Variants in PTCH1 observed in about 807,000 individuals in gnomAD.
PTCH1 encodes the protein patched 1, also known as protein patched homolog 1.
PTCH1 carries 14 observed loss-of-function variants against 144.6 expected under a neutral mutation model. The observed-to-expected ratio is 0.10, with a 90% CI of 0.06 to 0.15. The LOEUF is 0.15. Ranked by LOEUF, PTCH1 falls within the 10% of genes least tolerant of loss-of-function variation. PTCH1 has a pLI of 1.00. For missense variants in PTCH1, 1,623 were observed against 1,948.3 expected (o/e 0.83, Z 3.14); for synonymous variants, 833 against 793.6 (o/e 1.05, Z -0.83).
Position 95,476,080 on chromosome 9 carries a change from A to G in PTCH1, c.1682T>C (p.Met561Thr). ...TSISNVTAFF[M>T]AALIPIPALR... ...AGCGGGAATTGGGATTAACGCGGCC[A>G]TGAAGAAGGCTGTGACATTGCTGAT... The change falls in exon 12 of 24, where the codon ATG becomes ACG. Residue 561 changes from methionine to threonine, a missense_variant. This residue lies in a region of PTCH1 where 135 missense variants were observed against 228.7 expected (regional missense o/e 0.59). Coordinates refer to ENST00000331920, the MANE Select transcript of PTCH1 (RefSeq NM_000264.5). The surrounding 1 kb of genome is among the most constrained non-coding windows in gnomAD (Gnocchi z 4.6). 1 of 1,614,074 alleles carries G rather than the reference A, an allele frequency of 6.2e-7. No homozygotes were observed. Among genetic ancestry groups the G allele is most frequent in the Non-Finnish European group, 8.5e-7 (1 of 1,179,980 alleles).
chr9:95,510,295 T>C (rs2118927978), upstream of PTCH1, among the ~76,000 whole-genome samples: 1 of 152,344 alleles, frequency 6.6e-6, no homozygotes, highest in East Asian at 1.9e-4. Flanking sequence ...GCATGTTATA[T>C]TTAATAATAG....
chr9:95,500,908 A>G (rs961880605), intron 2 of PTCH1, among the ~76,000 whole-genome samples: 2 of 152,226 alleles, frequency 1.3e-5, no homozygotes, highest in Non-Finnish European at 2.9e-5. Context: ...AAAGGTACCC[A>G]AATATAAATT....
intron 2 of PTCH1, among the ~76,000 whole-genome samples, chr9:95,490,863 A>G (rs1842348860): frequency 6.6e-6 from 1 of 152,336 alleles, no homozygotes; most frequent in Non-Finnish European, 1.5e-5. Context: ...GCTAGAAGAG[A>G]AGATTTAGAA....
At position 95,447,131 on chromosome 9, in the gene PTCH1, G is replaced by A. The variant is rs775974258; in HGVS notation, c.4125C>T (p.Ala1375=). Residue 1375 remains alanine (A), a synonymous_variant, in exon 23 of 24, where the codon GCC becomes GCT. Coordinates refer to ENST00000331920, the MANE Select transcript of PTCH1 (RefSeq NM_000264.5). ...GCGGGTGCACGGCGACAGTCACGGA[G>A]GCAGAAGCCGTCACAGTGGTGATGG... ...CQPITTVTAS[A]SVTVAVHPPP... is the part of the protein sequence containing the mutation. 8.1e-6 allele frequency: 13 copies of A among 1,613,114 alleles called. No individual in the cohort carries two copies. The highest frequency in any genetic ancestry group is 3.3e-5 in the Admixed American group (2 of 59,998).
chr9:95,445,246 A>C lies in PTCH1; in HGVS notation c.*1147T>G, dbSNP rs774086679. ...GAGACTGTGGGCCAAGAAAGAATTA[A>C]CTAAATAGGTTTTTCTACCTGTGAC... On this transcript the variant is annotated 3_prime_UTR_variant, in exon 24 of 24. Coordinates refer to ENST00000331920, the MANE Select transcript of PTCH1 (RefSeq NM_000264.5). The C allele has an allele frequency of 6.6e-6, 1 of 152,096 alleles. No individual in the cohort carries two copies. The highest frequency in any genetic ancestry group is 1.5e-5 in the Non-Finnish European group (1 of 68,038). The allele number at this position is 152,096 out of a possible 1,614,324, so 9.4% of individuals were successfully genotyped here. A position where few individuals can be genotyped will look rare whatever the true frequency, so the allele number is the denominator to read the frequency against.
In PTCH1 at chr9:95,472,474, G is replaced by A. The variant is rs374698239; in HGVS notation, c.1729-2543C>T. ...CAGGAAGAACAGGTAGGATTCTAAC[G>A]GAGATTTTCCAGATGTCATCCTGGG... is the stretch of plus-strand genomic sequence containing the variant. On this transcript the variant is annotated intron_variant, in intron 12 of 23. Coordinates refer to ENST00000331920, the MANE Select transcript of PTCH1 (RefSeq NM_000264.5). 3.3e-5 allele frequency among the ~76,000 whole-genome samples: 5 copies of A among 152,266 alleles called. No individual in the cohort carries two copies. In the East Asian group the frequency reaches 7.7e-4, roughly 23 times the overall value.
chr9:95,476,011 A>C lies in PTCH1; in HGVS notation c.1728+23T>G, dbSNP rs374995958. 1 of 1,612,982 alleles carries C rather than the reference A, an allele frequency of 6.2e-7. No homozygotes were observed. Among genetic ancestry groups the C allele is most frequent in the African/African-American group, 1.3e-5 (1 of 75,038 alleles). ...TCAGTGCCCCGTTCAGGATCACCAC[A>C]GCCTTCATCACCAGAAGCTCACCTG... On this transcript the variant is annotated intron_variant, in intron 12 of 23. Coordinates refer to ENST00000331920, the MANE Select transcript of PTCH1 (RefSeq NM_000264.5). The surrounding 1 kb of genome is among the most constrained non-coding windows in gnomAD (Gnocchi z 4.6).
At chr9:95,453,285 C>G in intron 20 of PTCH1, 193 bp downstream of exon 20, 1 of 717,356 alleles carries the variant, frequency 1.4e-6, no homozygotes, top group Non-Finnish European at 2.3e-6. Flanking sequence ...GCACCCACCA[C>G]CACGCCCGGC....
At chr9:95,461,829 G>A (rs1343791037) in intron 16 of PTCH1, 27 bp downstream of exon 16, 10 of 1,613,558 alleles carry the variant, frequency 6.2e-6, no homozygotes, top group Admixed American at 1.7e-5. Context: ...CCCTGGAAGC[G>A]CCCTCAGTGC....
chr9:95,505,488 G>A (rs73527750), intron 2 of PTCH1, among the ~76,000 whole-genome samples: 14 of 152,218 alleles, frequency 9.2e-5, no homozygotes, highest in African/African-American at 3.1e-4. Flanking sequence ...ATGTAAAAAT[G>A]TTTGTCTTCG....
intron 12 of PTCH1, among the ~76,000 whole-genome samples, chr9:95,473,512 A>ACT (rs908956641): frequency 1.4e-5 from 2 of 145,790 alleles, no homozygotes; most frequent in South Asian, 4.5e-4. Flanking sequence ...ATCATTGCAC[A>ACT]CTCTCTCTTT....
upstream of PTCH1, among the ~76,000 whole-genome samples, chr9:95,510,708 A>G (rs1844104937): frequency 6.6e-6 from 1 of 151,648 alleles, no homozygotes; most frequent in Non-Finnish European, 1.5e-5. Context: ...TGTGGCTTTA[A>G]GATGCGCACG....
At chr9:95,492,576 A>C (rs1842487695) in intron 2 of PTCH1, among the ~76,000 whole-genome samples, 1 of 151,988 alleles carries the variant, frequency 6.6e-6, no homozygotes. Context: ...AACAAATTTC[A>C]TGTTTAGAGT....
chr9:95,450,922 TG>T (rs1182407285), intron 20 of PTCH1: 1 of 151,944 alleles, frequency 6.6e-6, no homozygotes, highest in African/African-American at 2.4e-5. Flanking sequence ...CACGCAGGGA[TG>T]CGTTTCTGGA....
chr9:95,500,075 C>T (rs1464017601), intron 2 of PTCH1, among the ~76,000 whole-genome samples: 1 of 152,184 alleles, frequency 6.6e-6, no homozygotes, highest in Non-Finnish European at 1.5e-5. Flanking sequence ...ACAAATCTCC[C>T]ATGGCTTGTC....
At chr9:95,459,825 G>T in intron 16 of PTCH1, 42 bp from the exon 17 acceptor site, 1 of 1,603,494 alleles carries the variant, frequency 6.2e-7, no homozygotes, top group South Asian at 1.1e-5. Flanking sequence ...GAATGGGGTT[G>T]GGGGTAAACA....
At position 95,516,889 on chromosome 9, in the gene PTCH1, A is replaced by C. The variant is rs999680055; in HGVS notation, c.-418T>G. The C allele has an allele frequency of 3.0e-6, 4 of 1,344,918 alleles. No individual in the cohort carries two copies. The South Asian group carries it at 4.0e-5, about 13-fold the overall frequency. The allele number at this position is 1,344,918 out of a possible 1,614,324, so 83.3% of individuals were successfully genotyped here. A position where few individuals can be genotyped will look rare whatever the true frequency, so the allele number is the denominator to read the frequency against. ...TCAGGGTCACGTGACGGATCCGAAAACTTTACCCCTTTACAATAAACTCAA... is the reference window on the plus strand; with the variant it reads ...TCAGGGTCACGTGACGGATCCGAAACCTTTACCCCTTTACAATAAACTCAA... On this transcript the variant is annotated 5_prime_UTR_variant, in exon 1 of 23. Transcript: ENST00000430669.
chr9:95,446,171 C>G lies in PTCH1; in HGVS notation c.*222G>C, dbSNP rs989876754. The G allele has an allele frequency of 1.2e-5, 4 of 344,482 alleles. No individual in the cohort carries two copies. The highest frequency in any genetic ancestry group is 9.2e-4 in the Middle Eastern group (1 of 1,084). 21.3% of individuals were successfully genotyped at this position (344,482 alleles called of 1,614,324 possible). ...AGTGGAGAAGCCCCAGATCATACCACTTTACATCCTTCCTTCCTATATTAC... is the reference window on the plus strand; with the variant it reads ...AGTGGAGAAGCCCCAGATCATACCAGTTTACATCCTTCCTTCCTATATTAC... On this transcript the variant is annotated 3_prime_UTR_variant, in exon 24 of 24. Transcript: ENST00000331920.
At chr9:95,506,254 C>T (rs986317730) in intron 2 of PTCH1, 153 bp downstream of exon 2, 10 of 914,808 alleles carry the variant, frequency 1.1e-5, no homozygotes, top group South Asian at 1.8e-5. Flanking sequence ...GCCTGGCTCC[C>T]GGCCAGGCGC....
Sources: gnomAD v4.1 joint callset for allele counts (sites outside exome capture counted in the v4.1 genomes callset) on GRCh38, gnomAD v4.1.1 for gene constraint, gnomAD v4.1.1 regional missense constraint, Gnocchi (gnomAD v3.1) non-coding constraint, MANE v1.5 for transcripts, NCBI Gene and HGNC (gene_info 2026-07-23, HGNC 2026-07-21) for gene names.